The following PRDM1 variants were observed in gnomAD, a reference collection of about 807,000 sequenced individuals.
PRDM1 encodes the protein PR/SET domain 1.
In PRDM1, 13 loss-of-function variants were observed where a neutral mutation model predicts 62.8. The ratio of observed to expected loss-of-function variants is 0.21; its 90% CI spans 0.13 to 0.33. The LOEUF (loss-of-function observed/expected upper bound fraction) is 0.33, where lower values mean the gene tolerates loss of function less well. PRDM1 is among the 10% of genes least tolerant of loss of function. PRDM1 has a pLI of 1.00. For missense variants in PRDM1, 895 were observed against 1,058.8 expected, an observed-to-expected ratio of 0.85 and a Z score of 2.15; for synonymous variants, 396 against 417.6, an observed-to-expected ratio of 0.95 and a Z score of 0.63.
intron 1 of PRDM1, among the ~76,000 whole-genome samples, chr6:106,032,428 G>A (rs1246191756): frequency 6.6e-6 from 1 of 151,350 alleles, no homozygotes; most frequent in Admixed American, 6.6e-5. Context: ...GTCTCCCAAA[G>A]TACAATACCG....
Position 106,107,368 on chromosome 6 carries a change from C to G in PRDM1, c.2360C>G (p.Ser787Ter), listed in dbSNP as rs1292151056. The change falls in exon 7 of 7, where the codon TCA becomes TGA. Residue 787 changes from serine (S) to a stop codon, truncating the protein, a stop_gained. Transcript: ENST00000369096. LOFTEE classifies it high-confidence loss of function. The part of the protein sequence containing the change: ...QRNMGNGLLS[S>*]GCSLYESSDL... ...AACATGGGGAATGGACTCCTCTCCT[C>G]AGGGTGCAGCCTTTATGAGTCATCA... 1 of 1,613,976 alleles carries G rather than the reference C, an allele frequency of 6.2e-7. No individual in the cohort carries two copies. The highest frequency in any genetic ancestry group is 1.3e-5 in the African/African-American group (1 of 74,872).
At chr6:106,009,875 G>A (rs1772525405) in intron 1 of PRDM1, among the ~76,000 whole-genome samples, 1 of 152,058 alleles carries the variant, frequency 6.6e-6, no homozygotes, top group African/African-American at 2.4e-5. Context: ...GCGCCACCAC[G>A]CCCGGCTAGT....
At chr6:106,056,031 A>G (rs1582442198) in intron 1 of PRDM1, among the ~76,000 whole-genome samples, 3 of 152,332 alleles carry the variant, frequency 2.0e-5, no homozygotes, top group African/African-American at 7.2e-5. Context: ...GGAAAAACAC[A>G]TTGTTTCAGA....
intron 1 of PRDM1, among the ~76,000 whole-genome samples, chr6:105,998,184 G>A (rs897361311): frequency 2.6e-5 from 4 of 152,102 alleles, no homozygotes; most frequent in African/African-American, 9.7e-5. Flanking sequence ...TGAAATATCT[G>A]TATATTGTGT....
intron 1 of PRDM1, among the ~76,000 whole-genome samples, chr6:106,075,494 C>A (rs1244949144): frequency 6.6e-6 from 1 of 152,170 alleles, no homozygotes; most frequent in Non-Finnish European, 1.5e-5. Flanking sequence ...TTTCAAAAAG[C>A]TTTACATAGC....
At position 106,042,536 on chromosome 6, in the gene PRDM1, A is replaced by AC. The variant is rs796102723; in HGVS notation, c.-66-45665_-66-45664insC. Among the ~76,000 whole-genome samples the AC allele has an allele frequency of 1.9e-3, 282 of 151,756 alleles. 5 individuals are homozygous for AC. Among genetic ancestry groups the AC allele is most frequent in the African/African-American group, 6.1e-3 (251 of 41,342 alleles). ...GAGTGAAACTCTGTCTCAAAAAAAA[A>AC]AAACAAACAAACAACAACAACAACA... On this transcript the variant is annotated intron_variant, in intron 1 of 6. Coordinates refer to the PRDM1 transcript ENST00000652320.
At chr6:106,074,110 C>T (rs1773563701) in intron 1 of PRDM1, among the ~76,000 whole-genome samples, 1 of 152,124 alleles carries the variant, frequency 6.6e-6, no homozygotes, top group African/African-American at 2.4e-5. Context: ...AAGGTAATTA[C>T]AAGGCCACTA....
intron 1 of PRDM1, among the ~76,000 whole-genome samples, chr6:106,013,006 T>C (rs1448998398): frequency 6.6e-6 from 1 of 151,934 alleles, no homozygotes; most frequent in Non-Finnish European, 1.5e-5. Flanking sequence ...CGTGCCTCAG[T>C]CTCTCCAGTA....
chr6:106,104,883 G>T lies in PRDM1; in HGVS notation c.723G>T (p.Lys241Asn). ...PSTEKNELCP[K>N]NVPKREYSVK... ...CTGAGAAAAATGAACTCTGCCCAAA[G>T]AATGTCCCAAAGAGAGAGTACAGCG... The change falls in exon 5 of 7, where the codon AAG becomes AAT. Residue 241 changes from lysine to asparagine, a missense_variant. By Grantham distance (94) the Lys-to-Asn change is moderately conservative. Transcript: ENST00000369096. The T allele has an allele frequency of 6.2e-7, 1 of 1,614,092 alleles. No homozygotes were observed.
At chr6:106,042,537 AAAC>A (rs1178625240) in intron 1 of PRDM1, among the ~76,000 whole-genome samples, 235 of 151,164 alleles carry the variant, frequency 1.6e-3, no homozygotes, top group African/African-American at 5.6e-3. Context: ...CAAAAAAAAA[AAAC>A]AAACAAACAA....
chr6:106,085,367 A>G (rs551049035), upstream of PRDM1, among the ~76,000 whole-genome samples: 2 of 152,382 alleles, frequency 1.3e-5, no homozygotes, highest in South Asian at 4.1e-4. Context: ...GGTGTTTGCT[A>G]TAAACATTGT....
At chr6:106,013,818 G>A (rs534537854) in intron 1 of PRDM1, among the ~76,000 whole-genome samples, 8 of 152,204 alleles carry the variant, frequency 5.3e-5, no homozygotes, top group African/African-American at 1.9e-4. Flanking sequence ...TCACTTGCTG[G>A]TTCTTCTGCA....
chr6:106,012,161 TCA>T (rs200312575), intron 1 of PRDM1, among the ~76,000 whole-genome samples: 1 of 104,090 alleles, frequency 9.6e-6, no homozygotes, highest in Non-Finnish European at 1.9e-5. Flanking sequence ...CCCTCCACAT[TCA>T]CACACACCAC....
At chr6:106,000,214 A>G (rs777274671) in intron 1 of PRDM1, among the ~76,000 whole-genome samples, 1 of 152,186 alleles carries the variant, frequency 6.6e-6, no homozygotes, top group Non-Finnish European at 1.5e-5. Context: ...CCTATCTCCA[A>G]TATACTTATT....
chr6:106,076,560 T>G (rs1247588960), intron 1 of PRDM1, among the ~76,000 whole-genome samples: 1 of 152,202 alleles, frequency 6.6e-6, no homozygotes, highest in African/African-American at 2.4e-5. Flanking sequence ...TTTAAAACTA[T>G]GTAGCACTAG....
upstream of PRDM1, among the ~76,000 whole-genome samples, chr6:106,081,807 G>A (rs900997027): frequency 3.3e-5 from 5 of 152,120 alleles, no homozygotes; most frequent in East Asian, 1.9e-4. Context: ...GGAAGCACAC[G>A]GTGGCAGGTA....
intron 1 of PRDM1, among the ~76,000 whole-genome samples, chr6:105,993,698 G>C (rs939402361): frequency 2.0e-5 from 3 of 152,200 alleles, no homozygotes; most frequent in Admixed American, 2.0e-4. Flanking sequence ...ATCAAGGGTA[G>C]GGGACAAAAT....
intron 1 of PRDM1, among the ~76,000 whole-genome samples, chr6:106,009,542 G>T (rs1340869382): frequency 6.6e-6 from 1 of 152,158 alleles, no homozygotes; most frequent in Non-Finnish European, 1.5e-5. Context: ...GGGAAAGGGT[G>T]TGCAAGAAAT....
At chr6:106,056,882 A>G (rs1773275712) in intron 1 of PRDM1, among the ~76,000 whole-genome samples, 1 of 152,060 alleles carries the variant, frequency 6.6e-6, no homozygotes, top group Non-Finnish European at 1.5e-5. Context: ...TGGCTTGGGA[A>G]GGTGCCCAAG....
Sources: allele counts gnomAD v4.1 joint callset (sites outside exome capture counted in the v4.1 genomes callset), GRCh38; gene constraint gnomAD v4.1.1; transcripts MANE v1.5; gene names NCBI Gene and HGNC (gene_info 2026-07-23, HGNC 2026-07-21).